Variants in TUSC3 observed in about 807,000 individuals in gnomAD.
The protein encoded by TUSC3 is tumor suppressor candidate 3.
In TUSC3, 45 loss-of-function variants were observed where a neutral mutation model predicts 44.8. The ratio of observed to expected loss-of-function variants is 1.00; its 90% confidence interval spans 0.79 to 1.29. The LOEUF (loss-of-function observed/expected upper bound fraction) is 1.29, where lower values mean the gene tolerates loss of function less well. Ranked by LOEUF, TUSC3 falls within the 50% of genes most tolerant of loss-of-function variation. The pLI is 0.00. For synonymous variants in TUSC3, 212 were observed against 152.9 expected (o/e 1.39, Z -2.85); for missense variants, 519 against 437.9 (o/e 1.19, Z -1.65).
At chr8:15,823,440 C>G in the TUSC3 span, among the ~76,000 whole-genome samples, 1 of 152,140 alleles carries the variant, frequency 6.6e-6, no homozygotes, top group Non-Finnish European at 1.5e-5. Context: ...AATGGTAAAG[C>G]CGTCAAGCAA....
At chr8:15,616,566 G>C (rs1357230598) in intron 1 of TUSC3, among the ~76,000 whole-genome samples, 1 of 152,020 alleles carries the variant, frequency 6.6e-6, no homozygotes, top group East Asian at 1.9e-4. Context: ...GACAGAGTGA[G>C]AGTTCATCTT....
chr8:15,521,639 A>G (rs1432031932), intron 2 of TUSC3, among the ~76,000 whole-genome samples: 2 of 152,186 alleles, frequency 1.3e-5, no homozygotes, highest in Non-Finnish European at 2.9e-5. Flanking sequence ...GTACGTGCAT[A>G]AACTTTAAGA....
intron 4 of TUSC3, among the ~76,000 whole-genome samples, chr8:15,661,802 CTATA>C (rs3070914): frequency 2.0e-5 from 3 of 149,976 alleles, no homozygotes; most frequent in Non-Finnish European, 1.5e-5. Flanking sequence ...GCTAGTTTGT[CTATA>C]TATATATATA....
the TUSC3 span, among the ~76,000 whole-genome samples, chr8:15,778,616 C>A: frequency 6.6e-6 from 1 of 152,124 alleles, no homozygotes; most frequent in Non-Finnish European, 1.5e-5. Context: ...TAGGCAGGGC[C>A]ATAATTCATG....
the TUSC3 span, among the ~76,000 whole-genome samples, chr8:15,788,812 AAGT>A: frequency 6.6e-6 from 1 of 152,112 alleles, no homozygotes; most frequent in South Asian, 2.1e-4. Flanking sequence ...ATTTCACACT[AAGT>A]AGGTAAGTTG....
chr8:15,463,448 G>T (rs188023418), intron 1 of TUSC3, among the ~76,000 whole-genome samples: 1 of 151,942 alleles, frequency 6.6e-6, no homozygotes, highest in African/African-American at 2.4e-5. Flanking sequence ...GTTTATTACC[G>T]GTGTCATAAT....
At chr8:15,647,714 G>T (rs190987529) in intron 2 of TUSC3, among the ~76,000 whole-genome samples, 1 of 152,180 alleles carries the variant, frequency 6.6e-6, no homozygotes, top group East Asian at 1.9e-4. Context: ...GTAATTTTCT[G>T]AGAATTTGGG....
At chr8:15,710,203 T>C (rs1455241574) in intron 6 of TUSC3, among the ~76,000 whole-genome samples, 5 of 151,912 alleles carry the variant, frequency 3.3e-5, no homozygotes, top group Admixed American at 6.6e-5. Flanking sequence ...CAAGAAACTT[T>C]GTCTGTTTCT....
At chr8:15,809,848 G>A in the TUSC3 span, among the ~76,000 whole-genome samples, 2 of 152,112 alleles carry the variant, frequency 1.3e-5, no homozygotes. Context: ...ACTTCTCCTT[G>A]CCTTAAGGAA....
intron 6 of TUSC3, among the ~76,000 whole-genome samples, chr8:15,714,811 C>T (rs1322845784): frequency 6.6e-6 from 1 of 152,164 alleles, no homozygotes; most frequent in Non-Finnish European, 1.5e-5. Flanking sequence ...GTGAGAGCTA[C>T]ATAACCAATT....
intron 6 of TUSC3, among the ~76,000 whole-genome samples, chr8:15,718,986 T>A (rs1416355453): frequency 2.0e-5 from 3 of 152,044 alleles, no homozygotes; most frequent in Non-Finnish European, 4.4e-5. Context: ...GATCACTTCT[T>A]ACCACCTGCT....
intron 2 of TUSC3, among the ~76,000 whole-genome samples, chr8:15,640,390 C>A (rs934780013): frequency 2.0e-4 from 30 of 152,186 alleles, no homozygotes; most frequent in African/African-American, 7.0e-4. Flanking sequence ...TAGTAAATCT[C>A]AACCATGAAT....
At chr8:15,570,067 C>A in intron 1 of TUSC3, among the ~76,000 whole-genome samples, 1 of 152,010 alleles carries the variant, frequency 6.6e-6, no homozygotes, top group East Asian at 1.9e-4. Context: ...ATAAAACCTT[C>A]AGGTTTATAA....
chr8:15,736,081 C>G (rs996387676), intron 7 of TUSC3, among the ~76,000 whole-genome samples: 2 of 151,950 alleles, frequency 1.3e-5, no homozygotes, highest in Non-Finnish European at 2.9e-5. Flanking sequence ...TATCCTCTAG[C>G]AGTATAAAAA....
At chr8:15,492,781 GA>G (rs372432755) in intron 2 of TUSC3, among the ~76,000 whole-genome samples, 26,060 of 137,028 alleles carry the variant, frequency 0.19, 2,640 homozygotes, top group East Asian at 0.27. Flanking sequence ...CCATAAAAAG[GA>G]AAAAAAAAAA....
the TUSC3 span, among the ~76,000 whole-genome samples, chr8:15,852,086 T>C: frequency 6.6e-6 from 1 of 152,158 alleles, no homozygotes; most frequent in African/African-American, 2.4e-5. Context: ...TTTTTCGTTA[T>C]AAATTACACA....
chr8:15,713,859 C>G (rs749290642), intron 6 of TUSC3, among the ~76,000 whole-genome samples: 6 of 152,100 alleles, frequency 3.9e-5, no homozygotes, highest in African/African-American at 1.2e-4. Context: ...AATTCAGCCT[C>G]TAACAGAGCA....
At chr8:15,846,006 A>T in the TUSC3 span, among the ~76,000 whole-genome samples, 3 of 152,176 alleles carry the variant, frequency 2.0e-5, no homozygotes, top group Non-Finnish European at 4.4e-5. Context: ...ATGAGGAAGA[A>T]GCAAAAGCGG....
At chr8:15,702,797 C>CA (rs772045348) in intron 6 of TUSC3, among the ~76,000 whole-genome samples, 4 of 152,146 alleles carry the variant, frequency 2.6e-5, no homozygotes, top group South Asian at 4.1e-4. Flanking sequence ...ACATCAACAA[C>CA]AAAAAATACA....
Sources: gnomAD v4.1 joint callset for allele counts (sites outside exome capture counted in the v4.1 genomes callset) on GRCh38, gnomAD v4.1.1 for gene constraint, MANE v1.5 for transcripts, NCBI Gene and HGNC (gene_info 2026-07-23, HGNC 2026-07-21) for gene names.